Variants in CLSTN2 observed in about 807,000 individuals in gnomAD.
CLSTN2 encodes calsyntenin-2.
CLSTN2 carries 48 observed loss-of-function variants against 101.2 expected under a neutral mutation model. That is an observed-to-expected ratio of 0.47 (90% confidence interval 0.38 to 0.60). The LOEUF (loss-of-function observed/expected upper bound fraction) is 0.60, where lower values mean the gene tolerates loss of function less well. Ranked by LOEUF, CLSTN2 falls within the 20% of genes least tolerant of loss-of-function variation. CLSTN2 has a pLI of 0.00. For synonymous variants in CLSTN2, 481 were observed against 463.6 expected (o/e 1.04, Z -0.48); for missense variants, 1,160 against 1,238.2 (o/e 0.94, Z 0.95).
At chr3:140,511,082 T>G (rs1380070046) in intron 8 of CLSTN2, among the ~76,000 whole-genome samples, 1 of 152,234 alleles carries the variant, frequency 6.6e-6, no homozygotes, top group East Asian at 1.9e-4. Context: ...GTTCTCATCA[T>G]TCAGCTCCCA....
At chr3:139,992,734 C>G (rs1936135959) in intron 1 of CLSTN2, among the ~76,000 whole-genome samples, 1 of 152,148 alleles carries the variant, frequency 6.6e-6, no homozygotes, top group Admixed American at 6.5e-5. Flanking sequence ...AATTTTCCCT[C>G]AAGGAGAAAT....
chr3:140,542,967 C>T (rs1196107615), intron 9 of CLSTN2, among the ~76,000 whole-genome samples: 3 of 152,190 alleles, frequency 2.0e-5, no homozygotes, highest in South Asian at 2.1e-4. Context: ...CACATTTTAC[C>T]ACTTTCTACC....
intron 1 of CLSTN2, among the ~76,000 whole-genome samples, chr3:140,008,946 T>G (rs1373588920): frequency 2.0e-5 from 3 of 152,254 alleles, no homozygotes; most frequent in South Asian, 2.1e-4. Flanking sequence ...AATATTTAGA[T>G]GTTTGGAATA....
chr3:140,352,749 T>C (rs1350061380), intron 2 of CLSTN2, among the ~76,000 whole-genome samples: 3 of 152,162 alleles, frequency 2.0e-5, no homozygotes, highest in Admixed American at 2.0e-4. Flanking sequence ...GACTTTTTTT[T>C]CTCTAACTGT....
intron 1 of CLSTN2, among the ~76,000 whole-genome samples, chr3:140,001,186 A>T (rs9815854): frequency 0.35 from 53,578 of 151,972 alleles, 11,290 homozygotes; most frequent in Non-Finnish European, 0.48. Context: ...CTGAAGTCAA[A>T]ACACAGTACA....
At chr3:140,429,086 TAATC>T in intron 5 of CLSTN2, among the ~76,000 whole-genome samples, 1 of 152,212 alleles carries the variant, frequency 6.6e-6, no homozygotes, top group South Asian at 2.1e-4. Context: ...AGACAGCATC[TAATC>T]AGCATTAGAT....
Position 140,571,212 on chromosome 3 carries a change from C to A in CLSTN2, c.*4959C>A, listed in dbSNP as rs1208951525. The stretch of plus-strand genomic sequence containing the variant: ...GATTTTCATTTCAGCCCTACTCTTG[C>A]CATTGCTCTAAAAATGATCCTAAAG... On this transcript the variant is annotated 3_prime_UTR_variant, in exon 17 of 17. Transcript: ENST00000458420. 1.3e-5 allele frequency: 2 copies of A among 152,128 alleles called. No individual in the cohort carries two copies. The highest frequency in any genetic ancestry group is 4.8e-5 in the African/African-American group (2 of 41,430). 9.4% of individuals were successfully genotyped at this position (152,128 alleles called of 1,614,324 possible). A position where few individuals can be genotyped will look rare whatever the true frequency, so the allele number is the denominator to read the frequency against.
At chr3:140,315,891 G>A (rs1213687483) in intron 2 of CLSTN2, among the ~76,000 whole-genome samples, 3 of 152,192 alleles carry the variant, frequency 2.0e-5, no homozygotes, top group South Asian at 2.1e-4. Flanking sequence ...AAGGTGGAGC[G>A]TGTGTGGCCT....
At chr3:140,152,024 C>G (rs934616157) in intron 1 of CLSTN2, among the ~76,000 whole-genome samples, 1 of 152,236 alleles carries the variant, frequency 6.6e-6, no homozygotes, top group Non-Finnish European at 1.5e-5. Context: ...TGGCCCAGCC[C>G]CTGGCTCCTG....
At chr3:140,391,389 C>A (rs1054006429) in intron 2 of CLSTN2, among the ~76,000 whole-genome samples, 1 of 147,790 alleles carries the variant, frequency 6.8e-6, no homozygotes, top group African/African-American at 2.5e-5. Flanking sequence ...GCGGGAGGGG[C>A]GGGTATTTTT....
In CLSTN2 at chr3:140,566,274, G is replaced by C; in HGVS notation, c.*21G>C. The C allele has an allele frequency of 6.5e-7, 1 of 1,549,854 alleles. No individual in the cohort carries two copies. The highest frequency in any genetic ancestry group is 8.7e-7 in the Non-Finnish European group (1 of 1,146,398). The stretch of plus-strand genomic sequence containing the variant: ...ACTAGTGCCCAGGGGTCTGCTGCCT[G>C]GCCCACATGTCCCTTTTGTAAACCC... On this transcript the variant is annotated 3_prime_UTR_variant, in exon 17 of 17. Transcript: ENST00000458420.
intron 8 of CLSTN2, among the ~76,000 whole-genome samples, chr3:140,529,452 C>G (rs1287584466): frequency 6.6e-6 from 1 of 152,172 alleles, no homozygotes; most frequent in African/African-American, 2.4e-5. Flanking sequence ...AATTGAAGTT[C>G]TTCTCTCCCC....
chr3:140,284,855 G>T (rs2086881431), intron 2 of CLSTN2, among the ~76,000 whole-genome samples: 1 of 152,040 alleles, frequency 6.6e-6, no homozygotes, highest in African/African-American at 2.4e-5. Flanking sequence ...GAGGCTAGGA[G>T]TCAGTAGGGG....
At chr3:140,393,696 G>A (rs1200039554) in intron 2 of CLSTN2, among the ~76,000 whole-genome samples, 1 of 152,138 alleles carries the variant, frequency 6.6e-6, no homozygotes, top group Non-Finnish European at 1.5e-5. Context: ...AATGATCATG[G>A]AGGGGTCTGA....
chr3:140,192,889 T>C (rs954400839), intron 2 of CLSTN2, among the ~76,000 whole-genome samples: 2 of 151,926 alleles, frequency 1.3e-5, no homozygotes, highest in African/African-American at 2.4e-5. Flanking sequence ...TTCTTGTCAG[T>C]TGGACACATT....
intron 8 of CLSTN2, 37 bp from the exon 9 acceptor site, chr3:140,532,287 T>C: frequency 1.9e-6 from 3 of 1,545,876 alleles, no homozygotes; most frequent in Non-Finnish European, 2.6e-6. Flanking sequence ...TTATTACATA[T>C]TCAATTTTAA....
chr3:140,053,360 T>C (rs565829188), intron 1 of CLSTN2, among the ~76,000 whole-genome samples: 24 of 152,298 alleles, frequency 1.6e-4, no homozygotes, highest in African/African-American at 5.8e-4. Context: ...CTAGTTCCAA[T>C]TCTGGTTCTC....
intron 2 of CLSTN2, among the ~76,000 whole-genome samples, chr3:140,226,817 T>C (rs1363965715): frequency 6.6e-6 from 1 of 152,202 alleles, no homozygotes; most frequent in Non-Finnish European, 1.5e-5. Context: ...GTGTCTTATA[T>C]GGATGGCAGC....
At chr3:140,537,427 G>A (rs550159091) in intron 9 of CLSTN2, among the ~76,000 whole-genome samples, 9 of 152,286 alleles carry the variant, frequency 5.9e-5, no homozygotes, top group African/African-American at 1.4e-4. Flanking sequence ...AAATGTTACC[G>A]GAAAGGCCTA....
Sources: allele counts gnomAD v4.1 joint callset (sites outside exome capture counted in the v4.1 genomes callset), GRCh38; gene constraint gnomAD v4.1.1; transcripts MANE v1.5; gene names NCBI Gene and HGNC (gene_info 2026-07-23, HGNC 2026-07-21).